Variants in TENM3 observed in about 807,000 individuals in gnomAD.
The protein encoded by TENM3 is teneurin transmembrane protein 3, also known as teneurin-3.
In TENM3, 63 loss-of-function variants were observed where a neutral mutation model predicts 255.1. That is an observed-to-expected ratio of 0.25 (90% CI 0.20 to 0.30). The LOEUF is 0.30. TENM3 is among the 10% of genes least tolerant of loss of function. TENM3 has a pLI of 1.00. For missense variants in TENM3, 2,929 were observed against 3,461.1 expected (o/e 0.85, Z 3.86); for synonymous variants, 1,306 against 1,322.3 (o/e 0.99, Z 0.27).
the TENM3 span, among the ~76,000 whole-genome samples, chr4:181,856,172 G>A: frequency 6.8e-6 from 1 of 146,288 alleles, no homozygotes. Context: ...GAAAGGGAAG[G>A]AAAGGGAAGG....
rs143672287 is a variant in TENM3, at chr4:182,742,939, G to A, written c.3380-231G>A. Reference sequence around the variant, plus strand: ...GGCTTTTGTTCCTTTCACCAGACATGATTTCAGTTCACAGTAGACAGCACT... The same window carrying A: ...GGCTTTTGTTCCTTTCACCAGACATAATTTCAGTTCACAGTAGACAGCACT... On this transcript the variant is annotated intron_variant, in intron 18 of 27. Transcript: ENST00000511685. 3.6e-3 allele frequency among the ~76,000 whole-genome samples: 543 copies of A among 152,282 alleles called. 6 individuals carry two copies. Among genetic ancestry groups the A allele is most frequent in the African/African-American group, 0.013 (525 of 41,574 alleles).
chr4:181,536,259 G>C, the TENM3 span, among the ~76,000 whole-genome samples: 1 of 152,076 alleles, frequency 6.6e-6, no homozygotes, highest in Non-Finnish European at 1.5e-5. Context: ...CTTTTGAATG[G>C]CCTCTTCACT....
chr4:182,078,064 C>G, the TENM3 span, among the ~76,000 whole-genome samples: 1 of 152,042 alleles, frequency 6.6e-6, no homozygotes, highest in Non-Finnish European at 1.5e-5. Flanking sequence ...CAACTAACAA[C>G]AAAAATAAAT....
chr4:181,542,600 A>G, the TENM3 span, among the ~76,000 whole-genome samples: 8 of 152,204 alleles, frequency 5.3e-5, no homozygotes. Context: ...ACGCGATTGT[A>G]GATGGATTGG....
intron 5 of TENM3, chr4:182,631,469 A>G (rs1405468881): frequency 6.6e-6 from 1 of 152,206 alleles, no homozygotes; most frequent in Non-Finnish European, 1.5e-5. Context: ...TCATTCGCTC[A>G]TCAGTTCGCA....
rs1311833521 is a variant in TENM3 at position 182,471,690 on chromosome 4, ATAAAG to A, written c.511+124765_511+124769del. Among the ~76,000 whole-genome samples the A allele has an allele frequency of 2.2e-4, 33 of 152,166 alleles. No individual in the cohort carries two copies. The East Asian group carries it at 2.5e-3, about 12-fold the overall frequency. The stretch of plus-strand genomic sequence containing the variant: ...ATAACATGTATAAATGCTTTTACTT[ATAAAG>A]TAATTATATTATAAAATAAACATGT... On this transcript the variant is annotated intron_variant, in intron 3 of 27. Coordinates refer to ENST00000511685, the MANE Select transcript of TENM3 (RefSeq NM_001080477.4).
chr4:182,727,437 CAG>C (rs1426387848), intron 13 of TENM3, among the ~76,000 whole-genome samples: 1 of 103,764 alleles, frequency 9.6e-6, no homozygotes, highest in Non-Finnish European at 1.8e-5. Flanking sequence ...ACCTGGGTGA[CAG>C]AGGAAGACTC....
the TENM3 span, among the ~76,000 whole-genome samples, chr4:182,081,148 A>T: frequency 6.6e-6 from 1 of 152,218 alleles, no homozygotes; most frequent in African/African-American, 2.4e-5. Context: ...ATGCTTACAA[A>T]TTGCTTAACA....
rs899496163 is a variant in TENM3, at chr4:182,174,633, G to C, written c.-76+29879G>C. Among the ~76,000 whole-genome samples the C allele has an allele frequency of 4.6e-5, 7 of 152,096 alleles. No individual in the cohort carries two copies. In the East Asian group the frequency reaches 1.4e-3, roughly 30 times the overall value. ...CTTGGGGTCAGATAGAGCCCCACCA[G>C]GGAGGTGGAGGCAGTTGAATGCGTA... is the stretch of plus-strand genomic sequence containing the variant. On this transcript the variant is annotated intron_variant, in intron 1 of 2. Coordinates refer to the TENM3 transcript ENST00000512480.
At chr4:182,518,388 A>C (rs1738219185) in intron 3 of TENM3, among the ~76,000 whole-genome samples, 2 of 152,180 alleles carry the variant, frequency 1.3e-5, no homozygotes, top group Non-Finnish European at 1.5e-5. Flanking sequence ...GTTTGTAAGC[A>C]TAATTAAGGT....
rs147334472 is a variant in TENM3 at position 182,164,358 on chromosome 4, C to T, written c.-76+19604C>T. Among the ~76,000 whole-genome samples, 20 of 152,290 alleles carry T rather than the reference C, an allele frequency of 1.3e-4. No homozygotes were observed. The East Asian group carries it at 3.9e-3, about 29-fold the overall frequency. The stretch of plus-strand genomic sequence containing the variant: ...CCTTGGTCCTTTCTTCACCTCAATC[C>T]CACTCATCACATTGTCTAGTTAATA... On this transcript the variant is annotated intron_variant, in intron 1 of 2. Transcript: ENST00000512480.
At chr4:181,679,284 T>A in the TENM3 span, among the ~76,000 whole-genome samples, 1 of 152,124 alleles carries the variant, frequency 6.6e-6, no homozygotes, top group African/African-American at 2.4e-5. Context: ...ACCACATGGC[T>A]GCAATGGAAT....
chr4:182,208,234 A>G (rs1354731097), intron 1 of TENM3, among the ~76,000 whole-genome samples: 2 of 152,214 alleles, frequency 1.3e-5, no homozygotes, highest in South Asian at 2.1e-4. Context: ...AGCACTGGGT[A>G]ATCACCCCAT....
chr4:181,604,607 G>A, the TENM3 span, among the ~76,000 whole-genome samples: 2 of 152,294 alleles, frequency 1.3e-5, no homozygotes, highest in East Asian at 3.9e-4. Context: ...GAGTGCCCAC[G>A]CCAGAGTGTG....
intron 24 of TENM3, among the ~76,000 whole-genome samples, chr4:182,783,004 T>C (rs1765302797): frequency 6.6e-6 from 1 of 151,330 alleles, no homozygotes; most frequent in Non-Finnish European, 1.5e-5. Context: ...CTTGACTCTT[T>C]ATCCAATTTG....
chr4:182,759,387 C>T (rs747656148), intron 22 of TENM3, among the ~76,000 whole-genome samples: 59 of 152,298 alleles, frequency 3.9e-4, no homozygotes, highest in Admixed American at 7.2e-4. Flanking sequence ...TGCCAACGCT[C>T]CACTGAGAGA....
chr4:181,708,685 T>G, the TENM3 span, among the ~76,000 whole-genome samples: 4 of 152,062 alleles, frequency 2.6e-5, no homozygotes, highest in African/African-American at 9.7e-5. Flanking sequence ...GGCTATGCCT[T>G]TAAAAAAAAA....
chr4:182,653,644 T>C, intron 5 of TENM3, 127 bp from the exon 6 acceptor site: 1 of 1,037,566 alleles, frequency 9.6e-7, no homozygotes, highest in Non-Finnish European at 1.4e-6. Context: ...ATTGCGCAGT[T>C]ATCCTTGGTA....
chr4:182,049,086 A>T, the TENM3 span, among the ~76,000 whole-genome samples: 2 of 152,060 alleles, frequency 1.3e-5, no homozygotes, highest in African/African-American at 2.4e-5. Context: ...TACTTCTCAG[A>T]GTCACTCAAG....
Sources: gnomAD v4.1 joint callset for allele counts (sites outside exome capture counted in the v4.1 genomes callset) on GRCh38, gnomAD v4.1.1 for gene constraint, MANE v1.5 for transcripts, NCBI Gene and HGNC (gene_info 2026-07-23, HGNC 2026-07-21) for gene names.